The following LONP2 variants were observed in gnomAD, a reference collection of about 807,000 sequenced individuals.
LONP2 encodes the protein lon peptidase 2, peroxisomal.
A neutral mutation model predicts 85.6 loss-of-function variants in LONP2; 60 were observed. The ratio of observed to expected loss-of-function variants is 0.70; its 90% CI spans 0.57 to 0.87. The LOEUF (loss-of-function observed/expected upper bound fraction) is 0.87, where lower values mean the gene tolerates loss of function less well. Among genes scored for constraint, LONP2 ranks in the 40% least tolerant of loss-of-function variants. LONP2 has a pLI of 0.00. For missense variants in LONP2, 860 were observed against 1,063.5 expected (o/e 0.81, Z 2.66); for synonymous variants, 395 against 389.7 (o/e 1.01, Z -0.16).
intron 1 of LONP2, among the ~76,000 whole-genome samples, chr16:48,247,892 A>G (rs1971497925): frequency 6.6e-6 from 1 of 152,078 alleles, no homozygotes; most frequent in Non-Finnish European, 1.5e-5. Context: ...CTGTCTCCCA[A>G]AGTGTTAGGA....
In LONP2 at chr16:48,256,658, C is replaced by T. The variant is rs1412842183; in HGVS notation, c.517C>T (p.Arg173Cys). The change falls in exon 3 of 15, where the codon CGT becomes TGT. Residue 173 changes from arginine to cysteine, a missense_variant. Physicochemically the swap from Arg to Cys is radical, Grantham distance 180. Around this residue, in one of 3 missense-constraint regions of LONP2, gnomAD observed 743 missense variants for 917.3 expected, o/e 0.81. Transcript: ENST00000285737. Reference protein sequence around the residue: ...MSVPAVAKLRRLLDSLPREAL... With the variant: ...MSVPAVAKLRCLLDSLPREAL... ...TGTCCCTGCAGTTGCTAAATTGAGA[C>T]GTCTTTTAGATAGTCTTCCAAGGGA... 7 of 1,613,460 alleles carry T rather than the reference C, an allele frequency of 4.3e-6. No homozygotes were observed. The highest frequency in any genetic ancestry group is 1.3e-5 in the African/African-American group (1 of 74,914).
intron 11 of LONP2, among the ~76,000 whole-genome samples, chr16:48,310,577 C>G (rs1262590434): frequency 6.6e-6 from 1 of 152,140 alleles, no homozygotes; most frequent in Non-Finnish European, 1.5e-5. Context: ...GTCTCGAACT[C>G]CTGACCTCAG....
At chr16:48,259,110 G>A (rs922112975) in intron 4 of LONP2, among the ~76,000 whole-genome samples, 1 of 152,248 alleles carries the variant, frequency 6.6e-6, no homozygotes, top group Non-Finnish European at 1.5e-5. Flanking sequence ...TATATGTTGT[G>A]TCAAAATTTG....
At chr16:48,331,965 C>T (rs973864084) in intron 11 of LONP2, among the ~76,000 whole-genome samples, 1 of 152,150 alleles carries the variant, frequency 6.6e-6, no homozygotes, top group Non-Finnish European at 1.5e-5. Flanking sequence ...CATTCATTGG[C>T]AGAAAATCTG....
chr16:48,294,408 A>G (rs1408586741), intron 8 of LONP2, among the ~76,000 whole-genome samples: 3 of 152,218 alleles, frequency 2.0e-5, no homozygotes, highest in Non-Finnish European at 4.4e-5. Context: ...GGAATTCTAG[A>G]TAGAGTTTCC....
At chr16:48,248,933 A>C (rs1031265634) in intron 1 of LONP2, among the ~76,000 whole-genome samples, 1 of 151,348 alleles carries the variant, frequency 6.6e-6, no homozygotes, top group African/African-American at 2.4e-5. Context: ...GGCTGGAATT[A>C]GATATTTACA....
At chr16:48,343,644 G>A (rs1302833945) in intron 12 of LONP2, 2 of 152,076 alleles carry the variant, frequency 1.3e-5, no homozygotes, top group African/African-American at 4.8e-5. Context: ...GTTGCAGTGA[G>A]CCCAGATCGT....
chr16:48,342,649 C>T (rs556455238), intron 12 of LONP2, among the ~76,000 whole-genome samples: 2 of 152,338 alleles, frequency 1.3e-5, no homozygotes, highest in East Asian at 3.9e-4. Context: ...CCCAACACCT[C>T]TCCAAGGGAT....
intron 12 of LONP2, chr16:48,336,338 CT>C: frequency 2.2e-6 from 1 of 456,232 alleles, no homozygotes; most frequent in South Asian, 1.5e-5. Context: ...CATAGTAACA[CT>C]TTTACCAACA....
In LONP2 at chr16:48,258,668, G is replaced by T. The variant is rs1971815099; in HGVS notation, c.651G>T (p.Leu217=). Residue 217 remains leucine (L), a synonymous_variant, in exon 4 of 15, where the codon CTG becomes CTT. Coordinates refer to ENST00000285737, the MANE Select transcript of LONP2 (RefSeq NM_031490.5). The part of the protein sequence containing the change: ...LEERFKMTIP[L]LVRQIEGLKL... ...AGCGGTTCAAGATGACTATACCACTGCTTGTCAGACAAATTGAAGGCCTGA... is the reference window on the plus strand; with the variant it reads ...AGCGGTTCAAGATGACTATACCACTTCTTGTCAGACAAATTGAAGGCCTGA... 6.2e-7 allele frequency: 1 copy of T among 1,611,678 alleles called. No homozygotes were observed. The highest frequency in any genetic ancestry group is 1.3e-5 in the African/African-American group (1 of 74,772).
At chr16:48,268,662 C>T (rs930288596) in intron 6 of LONP2, among the ~76,000 whole-genome samples, 1 of 152,106 alleles carries the variant, frequency 6.6e-6, no homozygotes, top group Non-Finnish European at 1.5e-5. Flanking sequence ...GAGAAACTCT[C>T]TATCTTTCAC....
At chr16:48,335,553 C>T (rs989358648) in intron 12 of LONP2, among the ~76,000 whole-genome samples, 1 of 152,148 alleles carries the variant, frequency 6.6e-6, no homozygotes, top group Admixed American at 6.5e-5. Context: ...TATTATACTA[C>T]TGAATTTAGC....
chr16:48,345,286 T>G (rs373347267), intron 12 of LONP2: 4 of 152,242 alleles, frequency 2.6e-5, no homozygotes, highest in African/African-American at 9.6e-5. Context: ...TTTGGTATTA[T>G]TTTGACAAAT....
chr16:48,305,293 CG>C (rs1228102451), intron 11 of LONP2, among the ~76,000 whole-genome samples: 1 of 152,126 alleles, frequency 6.6e-6, no homozygotes, highest in African/African-American at 2.4e-5. Context: ...CTCGCTCTGT[CG>C]TCCAGGCTGG....
intron 8 of LONP2, among the ~76,000 whole-genome samples, chr16:48,279,146 A>G (rs186021580): frequency 2.0e-3 from 312 of 152,300 alleles, no homozygotes; most frequent in Non-Finnish European, 3.7e-3. Context: ...GAAAAAAATT[A>G]CTTCTCTTTA....
intron 12 of LONP2, chr16:48,334,769 T>C (rs1959589427): frequency 1.8e-6 from 1 of 553,952 alleles, no homozygotes; most frequent in African/African-American, 1.9e-5. Flanking sequence ...GTCTTGAATT[T>C]TGGCTTTGAC....
rs1283133551 is a variant in LONP2, at chr16:48,270,130, T to A, written c.1097T>A (p.Leu366Gln). 6.2e-7 allele frequency: 1 copy of A among 1,614,056 alleles called. No individual in the cohort carries two copies. Residue 366 changes from leucine to glutamine, a missense_variant, in exon 7 of 15, where the codon CTG (leucine) becomes CAG (glutamine). Physicochemically the swap from Leu to Gln is moderately radical, Grantham distance 113. This residue lies in a region of LONP2 where 743 missense variants were observed against 917.3 expected (regional missense o/e 0.81). Transcript: ENST00000285737. ...YLAVRQLKNN[L>Q]KGPILCFVGP... ...GCTGTCAGACAGCTCAAAAATAACCTGAAGGGCCCAATCCTATGCTTTGTT... is the reference window on the plus strand; with the variant it reads ...GCTGTCAGACAGCTCAAAAATAACCAGAAGGGCCCAATCCTATGCTTTGTT...
chr16:48,258,090 G>A (rs1382808404), intron 3 of LONP2, among the ~76,000 whole-genome samples: 1 of 152,176 alleles, frequency 6.6e-6, no homozygotes, highest in Non-Finnish European at 1.5e-5. Flanking sequence ...GCCCACGCCT[G>A]TAATCCCAAC....
chr16:48,356,814 G>A lies in LONP2; in HGVS notation c.*5012G>A, dbSNP rs764570557. 10 of 249,098 alleles carry A rather than the reference G, an allele frequency of 4.0e-5. No individual in the cohort carries two copies. The highest frequency in any genetic ancestry group is 7.4e-5 in the Non-Finnish European group (9 of 120,984). 15.4% of individuals were successfully genotyped at this position (249,098 alleles called of 1,614,324 possible). A position where few individuals can be genotyped will look rare whatever the true frequency, so the allele number is the denominator to read the frequency against. ...AATTCATTTCTTTGGAAATACTGTA[G>A]TTTGTACTTAATGACACTGTCAGCA... On this transcript the variant is annotated 3_prime_UTR_variant, in exon 15 of 15. Coordinates refer to ENST00000285737, the MANE Select transcript of LONP2 (RefSeq NM_031490.5).
Sources: allele counts gnomAD v4.1 joint callset (sites outside exome capture counted in the v4.1 genomes callset), GRCh38; gene constraint gnomAD v4.1.1; regional missense constraint gnomAD v4.1.1; transcripts MANE v1.5; gene names NCBI Gene and HGNC (gene_info 2026-07-23, HGNC 2026-07-21).